SLC44A5: variants seen among roughly 807,000 people sequenced by gnomAD.
SLC44A5 encodes choline transporter-like protein 5.
SLC44A5 carries 57 observed loss-of-function variants against 101.8 expected under a neutral mutation model. The ratio of observed to expected loss-of-function variants is 0.56; its 90% CI spans 0.45 to 0.70. SLC44A5 has a LOEUF of 0.70. Ranked by LOEUF, SLC44A5 falls within the 30% of genes least tolerant of loss-of-function variation. The pLI is 0.00. For missense variants in SLC44A5, 737 were observed against 853.1 expected (o/e 0.86, Z 1.70); for synonymous variants, 281 against 290.9 (o/e 0.97, Z 0.35).
At chr1:75,343,014 C>A (rs1657998621) in intron 3 of SLC44A5, among the ~76,000 whole-genome samples, 1 of 152,024 alleles carries the variant, frequency 6.6e-6, no homozygotes, top group Non-Finnish European at 1.5e-5. Context: ...GAGGGCAGTG[C>A]TTTTATAGGG....
At chr1:75,534,152 C>CTA (rs1670872788) in intron 2 of SLC44A5, among the ~76,000 whole-genome samples, 1 of 152,066 alleles carries the variant, frequency 6.6e-6, no homozygotes, top group African/African-American at 2.4e-5. Context: ...ATTTGCCATG[C>CTA]TATCTTACTC....
chr1:75,282,950 C>T (rs962755148), intron 5 of SLC44A5, among the ~76,000 whole-genome samples: 5 of 152,180 alleles, frequency 3.3e-5, no homozygotes, highest in South Asian at 2.1e-4. Flanking sequence ...ATTTGCGAAT[C>T]GGGTGACGGT....
intron 13 of SLC44A5, 120 bp downstream of exon 13, chr1:75,227,606 T>G: frequency 1.4e-6 from 1 of 721,240 alleles, no homozygotes. Flanking sequence ...GACACATTAC[T>G]TTTTATGACA....
rs149188309 is a variant in SLC44A5 at position 75,582,220 on chromosome 1, C to T, written c.-70+28820G>A. On this transcript the variant is annotated intron_variant, in intron 1 of 23. Transcript: ENST00000370859. The stretch of plus-strand genomic sequence containing the variant: ...GGGTGGACCCCAAGTTCCTGAGGAA[C>T]ATGCGCTTTGCCAAGAAGCACAACA... 1.4e-3 allele frequency: 1,647 copies of T among 1,167,132 alleles called. 20 individuals carry two copies. In the African/African-American group the frequency reaches 0.022, roughly 15 times the overall value. 72.3% of individuals were successfully genotyped at this position (1,167,132 alleles called of 1,614,324 possible). A position where few individuals can be genotyped will look rare whatever the true frequency, so the allele number is the denominator to read the frequency against.
chr1:75,625,229 C>A, the SLC44A5 span, among the ~76,000 whole-genome samples: 1 of 152,214 alleles, frequency 6.6e-6, no homozygotes, highest in African/African-American at 2.4e-5. Flanking sequence ...TTGTAATATT[C>A]TATTTCCAAA....
chr1:75,612,616 A>G (rs1675703101), upstream of SLC44A5, among the ~76,000 whole-genome samples: 1 of 152,166 alleles, frequency 6.6e-6, no homozygotes, highest in Non-Finnish European at 1.5e-5. Context: ...ATTATTTGTC[A>G]CCTGCTTCTT....
intron 6 of SLC44A5, among the ~76,000 whole-genome samples, chr1:75,260,236 T>A (rs1426398730): frequency 2.0e-5 from 3 of 152,088 alleles, no homozygotes; most frequent in Non-Finnish European, 4.4e-5. Flanking sequence ...ACTGGCAAAT[T>A]GGATAAAAAG....
At chr1:75,678,943 G>A in the SLC44A5 span, among the ~76,000 whole-genome samples, 1 of 152,144 alleles carries the variant, frequency 6.6e-6, no homozygotes, top group African/African-American at 2.4e-5. Context: ...GAAAACGAAG[G>A]CTCGAGAACT....
At chr1:75,692,072 G>C in the SLC44A5 span, among the ~76,000 whole-genome samples, 1 of 151,504 alleles carries the variant, frequency 6.6e-6, no homozygotes, top group African/African-American at 2.4e-5. Context: ...TGCCAGTGAA[G>C]TTGATCCTGC....
At chr1:75,294,827 C>T (rs747216406) in intron 5 of SLC44A5, among the ~76,000 whole-genome samples, 1 of 152,054 alleles carries the variant, frequency 6.6e-6, no homozygotes, top group Non-Finnish European at 1.5e-5. Context: ...ATCTAAAATA[C>T]TCCAACTCAT....
intron 2 of SLC44A5, among the ~76,000 whole-genome samples, chr1:75,436,326 T>C (rs1356218596): frequency 1.3e-5 from 2 of 152,138 alleles, no homozygotes; most frequent in African/African-American, 4.8e-5. Context: ...ACAACTTCTA[T>C]ACATGTCACA....
intron 4 of SLC44A5, among the ~76,000 whole-genome samples, chr1:75,309,174 C>T (rs758160263): frequency 6.6e-6 from 1 of 152,162 alleles, no homozygotes; most frequent in Non-Finnish European, 1.5e-5. Context: ...GCTGGCATAG[C>T]GGCTCATGCC....
chr1:75,631,472 A>G, the SLC44A5 span, among the ~76,000 whole-genome samples: 1 of 151,498 alleles, frequency 6.6e-6, no homozygotes, highest in Admixed American at 6.6e-5. Flanking sequence ...TCCTGGGCTC[A>G]AGCCATCCTC....
rs1467134567 is a variant in SLC44A5, at chr1:75,203,620, G to A, written c.*107C>T. The A allele has an allele frequency of 9.8e-6, 13 of 1,329,172 alleles. No individual in the cohort carries two copies. The highest frequency in any genetic ancestry group is 2.7e-5 in the East Asian group (1 of 37,452). 82.3% of individuals were successfully genotyped at this position (1,329,172 alleles called of 1,614,324 possible). The stretch of plus-strand genomic sequence containing the variant: ...CATGCAAATGCAAGCCAACAAGGTC[G>A]TGAATACAGTGTTGCTAAACACAAA... On this transcript the variant is annotated 3_prime_UTR_variant, in exon 24 of 24. Transcript: ENST00000370859.
At position 75,351,285 on chromosome 1, in the gene SLC44A5, T is replaced by C. The variant is rs548854137; in HGVS notation, c.53-11655A>G. Reference sequence around the variant, plus strand: ...CACATTTTCTCAGTAATTTATCCAATATTTTGATCAAAGAGACAAAAATCA... The same window carrying C: ...CACATTTTCTCAGTAATTTATCCAACATTTTGATCAAAGAGACAAAAATCA... On this transcript the variant is annotated intron_variant, in intron 3 of 23. Transcript: ENST00000370859. Among the ~76,000 whole-genome samples, 5 of 152,164 alleles carry C rather than the reference T, an allele frequency of 3.3e-5. No homozygotes were observed. The South Asian group carries it at 6.2e-4, about 19-fold the overall frequency.
the SLC44A5 span, among the ~76,000 whole-genome samples, chr1:75,722,296 G>T: frequency 1.3e-5 from 2 of 152,084 alleles, no homozygotes; most frequent in African/African-American, 4.8e-5. Context: ...TTTCCTTTCC[G>T]TCTAATTAGG....
chr1:75,331,389 A>AT (rs1347763653), intron 4 of SLC44A5, among the ~76,000 whole-genome samples: 2 of 151,958 alleles, frequency 1.3e-5, no homozygotes, highest in Non-Finnish European at 2.9e-5. Flanking sequence ...CTCTTGACTC[A>AT]TTTTTTCTCT....
chr1:75,570,226 G>A (rs561132705), intron 1 of SLC44A5, among the ~76,000 whole-genome samples: 10 of 152,256 alleles, frequency 6.6e-5, no homozygotes, highest in African/African-American at 1.9e-4. Flanking sequence ...GCTGAAAAAC[G>A]GGGAGCAATG....
the SLC44A5 span, among the ~76,000 whole-genome samples, chr1:75,654,761 A>T: frequency 6.6e-6 from 1 of 152,164 alleles, no homozygotes; most frequent in African/African-American, 2.4e-5. Context: ...CTACATCAGC[A>T]TAAACAGCTT....
Sources: gnomAD v4.1 joint callset for allele counts (sites outside exome capture counted in the v4.1 genomes callset) on GRCh38, gnomAD v4.1.1 for gene constraint, MANE v1.5 for transcripts, NCBI Gene and HGNC (gene_info 2026-07-23, HGNC 2026-07-21) for gene names.